Variants in AATF observed in about 807,000 individuals in gnomAD.
The protein encoded by AATF is apoptosis antagonizing transcription factor.
AATF carries 48 observed loss-of-function variants against 63.7 expected under a neutral mutation model. The ratio of observed to expected loss-of-function variants is 0.75; its 90% CI spans 0.60 to 0.96. The LOEUF (loss-of-function observed/expected upper bound fraction) is 0.96. AATF is among the 40% of genes least tolerant of loss of function. AATF has a pLI of 0.00. For missense variants in AATF, 639 were observed against 685.7 expected, an observed-to-expected ratio of 0.93 and a Z score of 0.76; for synonymous variants, 258 against 247.7, an observed-to-expected ratio of 1.04 and a Z score of -0.39.
At chr17:36,955,292 T>A (rs938616518) in intron 4 of AATF, among the ~76,000 whole-genome samples, 1 of 152,202 alleles carries the variant, frequency 6.6e-6, no homozygotes, top group African/African-American at 2.4e-5. Flanking sequence ...TGTAGGTGAA[T>A]ACCTGATGTA....
At chr17:37,014,292 T>TAATAA (rs1555651883) in intron 8 of AATF, among the ~76,000 whole-genome samples, 17 of 150,512 alleles carry the variant, frequency 1.1e-4, no homozygotes, top group Admixed American at 8.0e-4. Context: ...ATAATAATAA[T>TAATAA]AATAATAATA....
At chr17:36,990,634 T>A in intron 7 of AATF, 140 bp from the exon 8 acceptor site, 1 of 561,376 alleles carries the variant, frequency 1.8e-6, no homozygotes, top group Non-Finnish European at 3.1e-6. Flanking sequence ...CATATTGGAC[T>A]GTTTTGTTTT....
chr17:37,047,856 G>A (rs920054825), intron 11 of AATF, among the ~76,000 whole-genome samples: 3 of 152,192 alleles, frequency 2.0e-5, no homozygotes, highest in Admixed American at 2.0e-4. Flanking sequence ...TCGGGCGGCT[G>A]CGGTTTTGTT....
chr17:37,036,989 C>T lies in AATF; in HGVS notation c.1619+5304C>T, dbSNP rs71380132. Among the ~76,000 whole-genome samples the T allele has an allele frequency of 3.5e-3, 526 of 151,864 alleles. 1 individual carries two copies. Among genetic ancestry groups the T allele is most frequent in the Non-Finnish European group, 5.5e-3 (376 of 67,944 alleles). On this transcript the variant is annotated intron_variant, in intron 11 of 11. Coordinates refer to ENST00000619387, the MANE Select transcript of AATF (RefSeq NM_012138.4). Reference sequence around the variant, plus strand: ...CTCTTGACACGGGGTAGCTCAGCTCCCAGGACAGCATCATCTTTTTGTTTT... The same window carrying T: ...CTCTTGACACGGGGTAGCTCAGCTCTCAGGACAGCATCATCTTTTTGTTTT...
chr17:37,031,047 G>A (rs2071547744), intron 10 of AATF, among the ~76,000 whole-genome samples: 1 of 152,106 alleles, frequency 6.6e-6, no homozygotes, highest in African/African-American at 2.4e-5. Flanking sequence ...GTCATTTACA[G>A]TATACTGTTA....
chr17:36,992,614 A>ATTT (rs5820200), intron 8 of AATF, among the ~76,000 whole-genome samples: 44 of 138,216 alleles, frequency 3.2e-4, no homozygotes, highest in East Asian at 1.0e-3. Flanking sequence ...CTTAGTCTGA[A>ATTT]TTTTTTTTTT....
Position 37,001,411 on chromosome 17 carries a change from GGAAGGAAGGAAGGA to G in AATF, c.1398+10555_1398+10568del, listed in dbSNP as rs2071294838. 2.2e-3 allele frequency among the ~76,000 whole-genome samples: 239 copies of G among 106,266 alleles called. 6 individuals carry two copies. Among genetic ancestry groups the G allele is most frequent in the African/African-American group, 8.1e-3 (210 of 25,838 alleles). 69.7% of individuals were successfully genotyped at this position (106,266 alleles called of 152,430 possible). On this transcript the variant is annotated intron_variant, in intron 8 of 11. Transcript: ENST00000619387. ...AGGTATGGGAGGAGGGAGGGAGGAA[GGAAGGAAGGAAGGA>G]AGGAAGGAAGGAAGGAAGGAAGGAA...
chr17:37,051,164 G>A (rs1352415704), intron 11 of AATF: 8 of 152,208 alleles, frequency 5.3e-5, no homozygotes, highest in Admixed American at 6.5e-5. Context: ...ACCATGATGC[G>A]CTTTGGGAGG....
intron 8 of AATF, 34 bp downstream of exon 8, chr17:36,990,891 G>A (rs1356908805): frequency 6.9e-7 from 1 of 1,454,862 alleles, no homozygotes; most frequent in Non-Finnish European, 9.3e-7. Flanking sequence ...TACAAATCAT[G>A]TTTTAGCATT....
At chr17:37,047,683 T>A (rs2142322002) in intron 11 of AATF, among the ~76,000 whole-genome samples, 2 of 152,380 alleles carry the variant, frequency 1.3e-5, no homozygotes, top group East Asian at 3.9e-4. Flanking sequence ...GACCTAGTTC[T>A]GACCTGACCA....
chr17:37,009,289 G>C (rs1430148816), intron 8 of AATF, among the ~76,000 whole-genome samples: 1 of 146,668 alleles, frequency 6.8e-6, no homozygotes, highest in Non-Finnish European at 1.5e-5. Context: ...CTGCCACCAT[G>C]CCCGGCTAAT....
intron 8 of AATF, among the ~76,000 whole-genome samples, chr17:37,011,926 T>G (rs1374185914): frequency 6.6e-6 from 1 of 152,172 alleles, no homozygotes; most frequent in Non-Finnish European, 1.5e-5. Flanking sequence ...AATAGGTCAT[T>G]TTGTGCCAAT....
chr17:36,958,878 C>G (rs2070923460), intron 4 of AATF, among the ~76,000 whole-genome samples: 1 of 152,202 alleles, frequency 6.6e-6, no homozygotes, highest in South Asian at 2.1e-4. Context: ...GGTGTGGTGG[C>G]TCATGCCTGT....
rs1364495506 is a variant in AATF, at chr17:37,020,929, T to C, written c.1467-5T>C. 3 of 1,609,400 alleles carry C rather than the reference T, an allele frequency of 1.9e-6. No individual in the cohort carries two copies. The highest frequency in any genetic ancestry group is 2.7e-5 in the African/African-American group (2 of 74,702). On this transcript the variant is annotated splice_polypyrimidine_tract_variant and splice_region_variant and intron_variant, in intron 9 of 11. Transcript: ENST00000619387. ...GATGCATAACATTGCTTGTGAATTT[T>C]CCAGGCAGTGGCTTGCAATCCAGAA...
At chr17:37,038,340 A>G (rs1292800567) in intron 11 of AATF, among the ~76,000 whole-genome samples, 2 of 152,168 alleles carry the variant, frequency 1.3e-5, no homozygotes, top group African/African-American at 4.8e-5. Flanking sequence ...CAAGACAAAC[A>G]AATACTGACT....
In AATF at chr17:37,009,758, G is replaced by A. The variant is rs369459526; in HGVS notation, c.1399-9247G>A. ...CGTGAATCCGGGAAGCGGAGCTTGCGGTGAGCCGAGATTGCGCCACTGCAG... is the reference window on the plus strand; with the variant it reads ...CGTGAATCCGGGAAGCGGAGCTTGCAGTGAGCCGAGATTGCGCCACTGCAG... On this transcript the variant is annotated intron_variant, in intron 8 of 11. Transcript: ENST00000619387. Among the ~76,000 whole-genome samples the A allele has an allele frequency of 1.0e-3, 155 of 147,826 alleles. 1 individual carries two copies. Among genetic ancestry groups the A allele is most frequent in the African/African-American group, 3.5e-3 (140 of 39,660 alleles).
intron 8 of AATF, among the ~76,000 whole-genome samples, chr17:37,007,109 C>T (rs1318397546): frequency 6.6e-6 from 1 of 152,150 alleles, no homozygotes; most frequent in South Asian, 2.1e-4. Flanking sequence ...GTAAATATTG[C>T]ACTTCCCCTT....
At chr17:37,030,499 AC>A (rs1324145332) in intron 10 of AATF, among the ~76,000 whole-genome samples, 2 of 152,118 alleles carry the variant, frequency 1.3e-5, no homozygotes, top group African/African-American at 4.8e-5. Flanking sequence ...AGAAAAGGAT[AC>A]CCCTTTGAAT....
At chr17:36,969,468 A>G (rs568718452) in intron 4 of AATF, among the ~76,000 whole-genome samples, 37 of 152,166 alleles carry the variant, frequency 2.4e-4, no homozygotes, top group Non-Finnish European at 7.4e-5. Flanking sequence ...TAACTGCTCC[A>G]CTTGTTTTTA....
Sources: allele counts gnomAD v4.1 joint callset (sites outside exome capture counted in the v4.1 genomes callset), GRCh38; gene constraint gnomAD v4.1.1; transcripts MANE v1.5; gene names NCBI Gene and HGNC (gene_info 2026-07-23, HGNC 2026-07-21).